ZMIZ1: variants seen among roughly 807,000 people sequenced by gnomAD.
ZMIZ1 encodes zinc finger MIZ-type containing 1, also known as zinc finger MIZ domain-containing protein 1.
A neutral mutation model predicts 113.9 loss-of-function variants in ZMIZ1; 17 were observed. The observed-to-expected ratio is 0.15, with a 90% CI of 0.10 to 0.22. The LOEUF (loss-of-function observed/expected upper bound fraction) is 0.22. Ranked by LOEUF, ZMIZ1 falls within the 10% of genes least tolerant of loss-of-function variation. The pLI, the probability that ZMIZ1 is intolerant of heterozygous loss-of-function variation, is 1.00. For missense variants in ZMIZ1, 1,059 were observed against 1,477.8 expected, an observed-to-expected ratio of 0.72 and a Z score of 4.65; for synonymous variants, 607 against 603.1, an observed-to-expected ratio of 1.01 and a Z score of -0.09.
At chr10:79,271,733 A>G (rs186111797) in intron 7 of ZMIZ1, among the ~76,000 whole-genome samples, 4 of 152,332 alleles carry the variant, frequency 2.6e-5, no homozygotes. Context: ...GATGAGCCTT[A>G]AAGAAGTGCA....
chr10:79,139,555 C>T (rs939554719), intron 2 of ZMIZ1, 127 bp from the exon 3 acceptor site: 26 of 396,772 alleles, frequency 6.6e-5, no homozygotes, highest in Middle Eastern at 6.2e-4. Context: ...TCAGGCATCC[C>T]GGGGTGTGCT....
intron 4 of ZMIZ1, among the ~76,000 whole-genome samples, chr10:79,189,075 A>T (rs1218942444): frequency 6.6e-6 from 1 of 152,248 alleles, no homozygotes; most frequent in Non-Finnish European, 1.5e-5. Context: ...GGCAGACTTC[A>T]TCTGGGCATC....
At position 79,305,092 on chromosome 10, in the gene ZMIZ1, AG is replaced by A. The variant is rs1854591033; in HGVS notation, c.2287-69del. On this transcript the variant is annotated intron_variant, in intron 19 of 24. Coordinates refer to ENST00000334512, the MANE Select transcript of ZMIZ1 (RefSeq NM_020338.4). ...TCTCTCTGGTGGGGAAGTTATTCCA[AG>A]GGTCCCTGAGGCACATCTAGGCAGT... 3 of 1,553,464 alleles carry A rather than the reference AG, an allele frequency of 1.9e-6. No homozygotes were observed. The African/African-American group carries it at 4.1e-5, about 21-fold the overall frequency.
intron 7 of ZMIZ1, among the ~76,000 whole-genome samples, chr10:79,272,143 A>G (rs556234007): frequency 1.1e-4 from 16 of 152,242 alleles, no homozygotes; most frequent in Non-Finnish European, 1.9e-4. Context: ...AAAATTAGCC[A>G]GGCGTGATGG....
chr10:79,165,695 T>C (rs1846297938), intron 4 of ZMIZ1, among the ~76,000 whole-genome samples: 1 of 151,714 alleles, frequency 6.6e-6, no homozygotes, highest in Admixed American at 6.6e-5. Context: ...GGCCGGAGAG[T>C]TCGGACCTGC....
intron 7 of ZMIZ1, among the ~76,000 whole-genome samples, chr10:79,227,328 ATGAATAG>A (rs1849235102): frequency 6.6e-6 from 1 of 152,226 alleles, no homozygotes; most frequent in Admixed American, 6.5e-5. Flanking sequence ...CCCATGGATG[ATGAATAG>A]CAGAGAGCCT....
At chr10:79,143,698 C>T (rs4980032) in intron 3 of ZMIZ1, among the ~76,000 whole-genome samples, 49,569 of 151,470 alleles carry the variant, frequency 0.33, 8,713 homozygotes, top group African/African-American at 0.45. Flanking sequence ...GCAGAGAGAA[C>T]GGCCTTGACT....
rs148877270 is a variant in ZMIZ1, at chr10:79,143,886, G to T, written c.-131+4109G>T. ...GAGTGAGTGCGGTCTGACATGGCCA[G>T]GACGTGAGAGGAGGCTCAGGAGACT... On this transcript the variant is annotated intron_variant, in intron 3 of 24. Coordinates refer to ENST00000334512, the MANE Select transcript of ZMIZ1 (RefSeq NM_020338.4). Among the ~76,000 whole-genome samples, 1,213 of 152,312 alleles carry T rather than the reference G, an allele frequency of 8.0e-3. 6 individuals carry two copies. The highest frequency in any genetic ancestry group is 0.014 in the Non-Finnish European group (952 of 68,028).
intron 4 of ZMIZ1, among the ~76,000 whole-genome samples, chr10:79,193,083 C>T (rs539593022): frequency 1.3e-4 from 20 of 152,326 alleles, no homozygotes; most frequent in East Asian, 5.8e-4. Flanking sequence ...TTTGGGAATG[C>T]GCGAGCCACC....
At chr10:79,203,242 G>A (rs531022593) in intron 5 of ZMIZ1, among the ~76,000 whole-genome samples, 1 of 152,288 alleles carries the variant, frequency 6.6e-6, no homozygotes, top group African/African-American at 2.4e-5. Context: ...GCTGTTCCTC[G>A]AGAACGAGGG....
intron 7 of ZMIZ1, among the ~76,000 whole-genome samples, chr10:79,242,609 C>T (rs1221431825): frequency 1.3e-5 from 2 of 151,444 alleles, no homozygotes; most frequent in Non-Finnish European, 2.9e-5. Context: ...CCTCCACCCC[C>T]TCCCCGCCGT....
intron 8 of ZMIZ1, among the ~76,000 whole-genome samples, chr10:79,279,016 G>C (rs1852503754): frequency 6.7e-6 from 1 of 149,902 alleles, no homozygotes; most frequent in Admixed American, 6.6e-5. Flanking sequence ...GGGGTGGCCG[G>C]GCAGAGGCGC....
chr10:79,127,078 T>C (rs4980030), intron 2 of ZMIZ1, among the ~76,000 whole-genome samples: 31,866 of 150,836 alleles, frequency 0.21, 3,830 homozygotes, highest in East Asian at 0.41. Context: ...GACCAACTCC[T>C]TCTTTCCTCC....
At chr10:79,247,647 T>A (rs1200830227) in intron 7 of ZMIZ1, among the ~76,000 whole-genome samples, 1 of 152,206 alleles carries the variant, frequency 6.6e-6, no homozygotes, top group Non-Finnish European at 1.5e-5. Flanking sequence ...AGGCCAGGCC[T>A]TAGAAGTGCC....
intron 7 of ZMIZ1, among the ~76,000 whole-genome samples, chr10:79,247,303 C>T (rs1178343078): frequency 6.6e-6 from 1 of 152,162 alleles, no homozygotes; most frequent in Admixed American, 6.5e-5. Flanking sequence ...GAGGCCTTTC[C>T]GGGGAGCCCT....
At chr10:79,243,007 C>A (rs1486572375) in intron 7 of ZMIZ1, among the ~76,000 whole-genome samples, 1 of 135,900 alleles carries the variant, frequency 7.4e-6, no homozygotes, top group Admixed American at 7.2e-5. Flanking sequence ...GGGGTGCGGA[C>A]GGCGAGGCTC....
intron 7 of ZMIZ1, among the ~76,000 whole-genome samples, chr10:79,221,331 C>G (rs1848960669): frequency 6.6e-6 from 1 of 152,224 alleles, no homozygotes; most frequent in African/African-American, 2.4e-5. Flanking sequence ...CAGGCAGTCA[C>G]TGCAGCAGCC....
At chr10:79,111,437 C>A (rs1222829329) in intron 1 of ZMIZ1, among the ~76,000 whole-genome samples, 1 of 152,176 alleles carries the variant, frequency 6.6e-6, no homozygotes, top group African/African-American at 2.4e-5. Flanking sequence ...GAAAGGTGTA[C>A]CCTCTCCCAT....
At chr10:79,155,044 A>G (rs912188981) in intron 3 of ZMIZ1, among the ~76,000 whole-genome samples, 2 of 152,198 alleles carry the variant, frequency 1.3e-5, no homozygotes, top group African/African-American at 2.4e-5. Context: ...AGATGAGGAA[A>G]CTGACCCAAG....
Sources: gnomAD v4.1 joint callset for allele counts (sites outside exome capture counted in the v4.1 genomes callset) on GRCh38, gnomAD v4.1.1 for gene constraint, MANE v1.5 for transcripts, NCBI Gene and HGNC (gene_info 2026-07-23, HGNC 2026-07-21) for gene names.